Variants in MDFIC observed in about 807,000 individuals in gnomAD.
The protein encoded by MDFIC is MyoD family inhibitor domain containing.
Under a neutral mutation model 23.2 loss-of-function variants are expected in MDFIC, and 17 were observed. That is an observed-to-expected ratio of 0.73 (90% CI 0.50 to 1.10). MDFIC has a LOEUF of 1.10. Among genes scored for constraint, MDFIC ranks in the 50% least tolerant of loss-of-function variants. The probability of loss-of-function intolerance (pLI) is 0.00; values close to 1 mark genes in which losing one functional copy is unlikely to be tolerated. For missense variants in MDFIC, 356 were observed against 316.6 expected, an observed-to-expected ratio of 1.12 and a Z score of -0.95; for synonymous variants, 120 against 115.2, an observed-to-expected ratio of 1.04 and a Z score of -0.27.
chr7:114,978,709 C>T (rs1340400338), intron 3 of MDFIC, among the ~76,000 whole-genome samples: 1 of 151,750 alleles, frequency 6.6e-6, no homozygotes. Context: ...TGAATGTTCC[C>T]CAGAACATCC....
Position 114,956,592 on chromosome 7 carries a change from G to A in MDFIC, c.217+14195G>A, listed in dbSNP as rs763239961. On this transcript the variant is annotated intron_variant, in intron 3 of 4. Transcript: ENST00000393486. ...TTGATAACTGAAACCAATGATATGAGGTGGGGAAGGCATTATGATTCTATA... is the reference window on the plus strand; with the variant it reads ...TTGATAACTGAAACCAATGATATGAAGTGGGGAAGGCATTATGATTCTATA... Among the ~76,000 whole-genome samples, 7 of 152,038 alleles carry A rather than the reference G, an allele frequency of 4.6e-5. No individual in the cohort carries two copies. The South Asian group carries it at 1.0e-3, about 23-fold the overall frequency.
intron 2 of MDFIC, chr7:114,923,509 T>G (rs1042703344): frequency 3.9e-6 from 6 of 1,537,468 alleles, no homozygotes; most frequent in Non-Finnish European, 5.2e-6. Context: ...AAGCGTGCAC[T>G]TACTCCATTT....
chr7:115,010,932 T>A (rs1224479453), intron 4 of MDFIC, among the ~76,000 whole-genome samples: 1 of 152,210 alleles, frequency 6.6e-6, no homozygotes, highest in Non-Finnish European at 1.5e-5. Context: ...ACATTTACTT[T>A]CAACTTTTTA....
Position 114,922,341 on chromosome 7 carries a change from A to G in MDFIC, c.-403A>G. 8.9e-7 allele frequency: 1 copy of G among 1,122,182 alleles called. No homozygotes were observed. The highest frequency in any genetic ancestry group is 3.3e-4 in the Middle Eastern group (1 of 3,036). 69.5% of individuals were successfully genotyped at this position (1,122,182 alleles called of 1,614,324 possible). On this transcript the variant is annotated 5_prime_UTR_variant, in exon 1 of 5. Transcript: ENST00000393486. ...CAGGATTGTAGGAGTGGAAGAGGGG[A>G]AAGAGAGGCAGAGAGGGGGAAGGCC...
intron 2 of MDFIC, among the ~76,000 whole-genome samples, chr7:114,925,337 C>T (rs1792168812): frequency 6.6e-6 from 1 of 152,148 alleles, no homozygotes; most frequent in South Asian, 2.1e-4. Context: ...CTGAACTCCA[C>T]ATCAAGTCTA....
intron 3 of MDFIC, among the ~76,000 whole-genome samples, chr7:114,947,933 C>G (rs1792681688): frequency 6.6e-6 from 1 of 152,110 alleles, no homozygotes. Flanking sequence ...GCTATTAGTT[C>G]TAAGGTTTGT....
intron 2 of MDFIC, chr7:114,923,740 A>C: frequency 9.3e-7 from 1 of 1,070,740 alleles, no homozygotes; most frequent in Non-Finnish European, 1.2e-6. Flanking sequence ...GTGTCTGGGA[A>C]ACTTCCATAA....
intron 2 of MDFIC, among the ~76,000 whole-genome samples, chr7:114,929,079 A>C (rs368967589): frequency 1.4e-3 from 8 of 5,830 alleles, no homozygotes; most frequent in South Asian, 0.012. Flanking sequence ...CTATAGATAA[A>C]TATAGATCTA....
chr7:114,923,061 C>G lies in MDFIC; in HGVS notation c.28C>G (p.Pro10Ala). The G allele has an allele frequency of 7.2e-7, 1 of 1,393,964 alleles. No homozygotes were observed. The highest frequency in any genetic ancestry group is 3.2e-5 in the East Asian group (1 of 31,526). 86.3% of individuals were successfully genotyped at this position (1,393,964 alleles called of 1,614,324 possible). Residue 10 changes from proline to alanine, a missense_variant, in exon 2 of 5, where the codon CCC becomes GCC. Physicochemically the swap from Pro to Ala is conservative, Grantham distance 27 (BLOSUM62 -1). Transcript: ENST00000393486. MSGAGEALA[P>A]GPVGPQRVAE... is the part of the protein sequence containing the mutation. ...GTCCGGCGCGGGCGAAGCCCTCGCT[C>G]CCGGGCCCGTGGGGCCGCAGCGCGT... is the stretch of plus-strand genomic sequence containing the variant.
At chr7:115,007,597 A>G (rs1231383131) in intron 4 of MDFIC, among the ~76,000 whole-genome samples, 1 of 146,490 alleles carries the variant, frequency 6.8e-6, no homozygotes, top group Admixed American at 6.9e-5. Flanking sequence ...ATATTTTCTG[A>G]GATCTATCTA....
At chr7:114,962,426 A>G (rs1256764780) in intron 3 of MDFIC, among the ~76,000 whole-genome samples, 1 of 152,236 alleles carries the variant, frequency 6.6e-6, no homozygotes, top group Non-Finnish European at 1.5e-5. Context: ...TTAAGTTCCC[A>G]GATATATAGA....
chr7:114,944,218 A>T (rs1287661985), intron 3 of MDFIC, among the ~76,000 whole-genome samples: 1 of 152,192 alleles, frequency 6.6e-6, no homozygotes. Context: ...TCACTGAAGG[A>T]ATGAAGAGAT....
chr7:115,017,831 A>C lies in MDFIC; in HGVS notation c.*1896A>C, dbSNP rs1012757446. 1 of 152,052 alleles carries C rather than the reference A, an allele frequency of 6.6e-6. No homozygotes were observed. The allele number at this position is 152,052 out of a possible 1,614,324, so 9.4% of individuals were successfully genotyped here. On this transcript the variant is annotated 3_prime_UTR_variant, in exon 5 of 5. Transcript: ENST00000393486. ...TTTTTAATTTTTCTGGCTGAATATC[A>C]AATTGATAGTAACAACAGAAGCATA...
At chr7:115,006,722 G>A (rs911480966) in intron 4 of MDFIC, among the ~76,000 whole-genome samples, 1 of 152,146 alleles carries the variant, frequency 6.6e-6, no homozygotes, top group African/African-American at 2.4e-5. Context: ...TTACTTGCAT[G>A]TATTTTTGTC....
At chr7:114,979,007 A>AT (rs1367688366) in intron 3 of MDFIC, among the ~76,000 whole-genome samples, 2 of 151,962 alleles carry the variant, frequency 1.3e-5, no homozygotes, top group African/African-American at 2.4e-5. Flanking sequence ...TCACAATGGG[A>AT]TTTTTTTTAA....
At chr7:114,923,314 G>T (rs1792128709) in intron 2 of MDFIC, 187 bp downstream of exon 2, 1 of 1,146,674 alleles carries the variant, frequency 8.7e-7, no homozygotes, top group Non-Finnish European at 1.2e-6. Flanking sequence ...TCAACAACCG[G>T]GTAAGAGGGC....
At chr7:114,999,746 C>T (rs1292100066) in intron 4 of MDFIC, among the ~76,000 whole-genome samples, 1 of 138,858 alleles carries the variant, frequency 7.2e-6, no homozygotes, top group East Asian at 2.2e-4. Context: ...TTATGAACCT[C>T]CAGCTCAGGG....
In MDFIC at chr7:114,992,156, A is replaced by G. The variant is rs565910062; in HGVS notation, c.493+12375A>G. ...TCATGATTTGGCTCTCTGTTTGTCT[A>G]TTATTGGTGTATAAGAATGCTTGTG... On this transcript the variant is annotated intron_variant, in intron 4 of 4. Coordinates refer to ENST00000393486, the MANE Select transcript of MDFIC (RefSeq NM_001166345.3). 1.2e-3 allele frequency among the ~76,000 whole-genome samples: 189 copies of G among 152,064 alleles called. 1 individual carries two copies. Among genetic ancestry groups the G allele is most frequent in the African/African-American group, 4.3e-3 (179 of 41,476 alleles).
At chr7:114,944,082 T>G (rs1468703559) in intron 3 of MDFIC, among the ~76,000 whole-genome samples, 1 of 152,216 alleles carries the variant, frequency 6.6e-6, no homozygotes, top group Non-Finnish European at 1.5e-5. Context: ...TACGGTTTCA[T>G]TGGTTAAGTG....
Sources: gnomAD v4.1 joint callset for allele counts (sites outside exome capture counted in the v4.1 genomes callset) on GRCh38, gnomAD v4.1.1 for gene constraint, MANE v1.5 for transcripts, NCBI Gene and HGNC (gene_info 2026-07-23, HGNC 2026-07-21) for gene names.